Variants in PRMT5 observed in about 807,000 individuals in gnomAD.
PRMT5 encodes protein arginine N-methyltransferase 5.
Under a neutral mutation model 84.0 loss-of-function variants are expected in PRMT5, and 15 were observed. The observed-to-expected ratio is 0.18, with a 90% CI of 0.12 to 0.28. PRMT5 has a LOEUF of 0.28. Ranked by LOEUF, PRMT5 falls within the 10% of genes least tolerant of loss-of-function variation. The probability of loss-of-function intolerance (pLI) is 1.00; values close to 1 mark genes in which losing one functional copy is unlikely to be tolerated. For synonymous variants in PRMT5, 276 were observed against 292.4 expected, an observed-to-expected ratio of 0.94 and a Z score of 0.57; for missense variants, 486 against 808.0, an observed-to-expected ratio of 0.60 and a Z score of 4.83.
At position 22,928,504 on chromosome 14, in the gene PRMT5, T is replaced by A; in HGVS notation, c.222A>T (p.Ser74=). The A allele has an allele frequency of 6.2e-7, 1 of 1,609,290 alleles. No individual in the cohort carries two copies. The highest frequency in any genetic ancestry group is 8.5e-7 in the Non-Finnish European group (1 of 1,175,464). The stretch of plus-strand genomic sequence containing the variant: ...ATATGGGATGGTCCCTACCCCTTCC[T>A]GACAGCAGTAGGTCTGATCGTGTCT... ...GPQTRSDLLL[S]GRDWNTLIVG... The change falls in exon 2 of 17, where the codon TCA becomes TCT. Residue 74 remains serine, a synonymous_variant. Coordinates refer to ENST00000324366, the MANE Select transcript of PRMT5 (RefSeq NM_006109.5). This position sits in a 1 kb window ranked among gnomAD's most constrained non-coding sequence, Gnocchi z 4.8.
Position 22,926,827 on chromosome 14 carries a change from A to G in PRMT5, c.451-13T>C. 1.3e-6 allele frequency: 2 copies of G among 1,583,410 alleles called. No homozygotes were observed. The highest frequency in any genetic ancestry group is 1.7e-6 in the Non-Finnish European group (2 of 1,152,088). ...CCCGCATCCAGAACTGCACATGAACAGTCACCCTTTTAGAACTCTCTTTTG... is the reference window on the plus strand; with the variant it reads ...CCCGCATCCAGAACTGCACATGAACGGTCACCCTTTTAGAACTCTCTTTTG... On this transcript the variant is annotated splice_polypyrimidine_tract_variant and intron_variant, in intron 4 of 16. Coordinates refer to ENST00000324366, the MANE Select transcript of PRMT5 (RefSeq NM_006109.5).
In PRMT5 at chr14:22,922,554, T is replaced by C. The variant is rs147575039; in HGVS notation, c.1585A>G (p.Met529Val). The C allele has an allele frequency of 1.7e-3, 2,671 of 1,611,896 alleles. 13 individuals carry two copies. Among genetic ancestry groups the C allele is most frequent in the Non-Finnish European group, 1.4e-3 (1,593 of 1,178,062 alleles). ...FTFSHPNRDPMIDNNRYCTLE... is the reference protein window; with the variant it reads ...FTFSHPNRDPVIDNNRYCTLE... The stretch of plus-strand genomic sequence containing the variant: ...GTGCAATAGCGGTTGTTGTCAATCA[T>C]AGGATCTGTCAGGAAATAATTATGT... Residue 529 changes from methionine (M) to valine (V), a missense_variant, in exon 15 of 17, where the codon ATG (methionine) becomes GTG (valine). Met to Val is a conservative substitution (Grantham distance 21). Around this residue, in one of 4 missense-constraint regions of PRMT5, gnomAD observed 219 missense variants for 433.6 expected, o/e 0.51. Transcript: ENST00000324366.
At chr14:22,925,202 C>T (rs2044392505) in intron 7 of PRMT5, among the ~76,000 whole-genome samples, 162 bp from the exon 8 acceptor site, 1 of 150,010 alleles carries the variant, frequency 6.7e-6, no homozygotes, top group African/African-American at 2.5e-5. Flanking sequence ...ATTGCCCAGG[C>T]TGGAGTGCAA....
chr14:22,929,031 C>T, intron 1 of PRMT5: 1 of 1,160,704 alleles, frequency 8.6e-7, no homozygotes, highest in Non-Finnish European at 1.2e-6. Context: ...AGAGTTTACC[C>T]AACAACTCTC....
chr14:22,926,171 A>G lies in PRMT5; in HGVS notation c.739T>C (p.Ser247Pro). Residue 247 changes from serine to proline, a missense_variant, in exon 7 of 17, where the codon TCT becomes CCT. By Grantham distance (74) the Ser-to-Pro change is moderately conservative. Coordinates refer to ENST00000324366, the MANE Select transcript of PRMT5 (RefSeq NM_006109.5). ...LTNKKGFPVL[S>P]KMHQRLIFRL... ...AAGATGAGCCTCTGGTGCATCTTAG[A>G]AAGAACAGGAAATCCCTTCTTATTG... The G allele has an allele frequency of 6.2e-7, 1 of 1,613,196 alleles. No individual in the cohort carries two copies. The highest frequency in any genetic ancestry group is 1.7e-4 in the Middle Eastern group (1 of 6,040).
In PRMT5 at chr14:22,920,655, C is replaced by T; in HGVS notation, c.*249G>A. On this transcript the variant is annotated 3_prime_UTR_variant, in exon 17 of 17. Coordinates refer to ENST00000324366, the MANE Select transcript of PRMT5 (RefSeq NM_006109.5). ...GGGATATTCCAGGGAGTTCTTGAGG[C>T]TGAGTGCGTAGCTTCAAATCCAGCA... is the stretch of plus-strand genomic sequence containing the variant. 1 of 694,354 alleles carries T rather than the reference C, an allele frequency of 1.4e-6. No homozygotes were observed. Among genetic ancestry groups the T allele is most frequent in the South Asian group, 1.5e-5 (1 of 66,644 alleles). The allele number at this position is 694,354 out of a possible 1,614,324, so 43.0% of individuals were successfully genotyped here. A position where few individuals can be genotyped will look rare whatever the true frequency, so the allele number is the denominator to read the frequency against.
Position 22,928,383 on chromosome 14 carries a change from A to AT in PRMT5, c.229+113dup. On this transcript the variant is annotated intron_variant, in intron 2 of 16. Coordinates refer to ENST00000324366, the MANE Select transcript of PRMT5 (RefSeq NM_006109.5). This position sits in a 1 kb window ranked among gnomAD's most constrained non-coding sequence, Gnocchi z 4.8. ...AGCAAGGAGAAAACAAGTTATCTAT[A>AT]TCCCAGGGACTAACAAATATATCCA... The AT allele has an allele frequency of 8.7e-7, 1 of 1,150,598 alleles. No homozygotes were observed. The allele number at this position is 1,150,598 out of a possible 1,614,324, so 71.3% of individuals were successfully genotyped here. A position where few individuals can be genotyped will look rare whatever the true frequency, so the allele number is the denominator to read the frequency against.
Position 22,923,297 on chromosome 14 carries a change from G to C in PRMT5, c.1376-137C>G, listed in dbSNP as rs990030974. The C allele has an allele frequency of 1.8e-5, 11 of 607,844 alleles. No homozygotes were observed. Among genetic ancestry groups the C allele is most frequent in the Non-Finnish European group, 2.8e-5 (10 of 351,000 alleles). The allele number at this position is 607,844 out of a possible 1,614,324, so 37.7% of individuals were successfully genotyped here. A position where few individuals can be genotyped will look rare whatever the true frequency, so the allele number is the denominator to read the frequency against. ...ATGGGCATGGAAGAAAGAGACAAAT[G>C]CATGTTGTCACATTACTAAGCCAGC... is the stretch of plus-strand genomic sequence containing the variant. On this transcript the variant is annotated intron_variant, in intron 12 of 16. Transcript: ENST00000324366. The surrounding 1 kb of genome is among the most constrained non-coding windows in gnomAD (Gnocchi z 5.2).
In PRMT5 at chr14:22,928,217, C is replaced by T. The variant is rs2044469360; in HGVS notation, c.230-6G>A. 6.2e-7 allele frequency: 1 copy of T among 1,613,640 alleles called. No homozygotes were observed. Among genetic ancestry groups the T allele is most frequent in the South Asian group, 1.1e-5 (1 of 91,070 alleles). ...CACAATTAGCGTATTCCAGTCTGCA[C>T]TCCCCCACCCAAGAAAGACAAATAC... On this transcript the variant is annotated splice_polypyrimidine_tract_variant and splice_region_variant and intron_variant, in intron 2 of 16. Coordinates refer to ENST00000324366, the MANE Select transcript of PRMT5 (RefSeq NM_006109.5). The surrounding 1 kb of genome is among the most constrained non-coding windows in gnomAD (Gnocchi z 4.8).
intron 16 of PRMT5, among the ~76,000 whole-genome samples, chr14:22,921,884 TAAAAAAAAAAA>T (rs34529278): frequency 8.3e-6 from 1 of 120,014 alleles, no homozygotes. Context: ...TCCGTCTCTT[TAAAAAAAAAAA>T]AAAAAAAAAG....
At position 22,925,090 on chromosome 14, in the gene PRMT5, G is replaced by A. The variant is rs1173785972; in HGVS notation, c.778-50C>T. ...ACACAGCCCTCAAACCAAGATTCTG[G>A]AATATTATGGTATATGGCCAAAGAG... On this transcript the variant is annotated intron_variant, in intron 7 of 16. Coordinates refer to ENST00000324366, the MANE Select transcript of PRMT5 (RefSeq NM_006109.5). 2.5e-6 allele frequency: 4 copies of A among 1,593,088 alleles called. No homozygotes were observed. The Admixed American group carries it at 5.1e-5, about 20-fold the overall frequency.
At chr14:22,926,976 T>C in intron 4 of PRMT5, 162 bp from the exon 5 acceptor site, 1 of 602,514 alleles carries the variant, frequency 1.7e-6, no homozygotes, top group Non-Finnish European at 3.0e-6. Context: ...ATATAGATCC[T>C]TATGTAAATA....
intron 1 of PRMT5, 87 bp downstream of exon 1, chr14:22,929,165 A>G: frequency 6.2e-7 from 1 of 1,612,754 alleles, no homozygotes; most frequent in Non-Finnish European, 8.5e-7. Flanking sequence ...CGACCCCCTC[A>G]CCCCTGCTTC....
Position 22,924,488 on chromosome 14 carries a change from G to C in PRMT5, c.1067C>G (p.Thr356Ser). 6.2e-7 allele frequency: 1 copy of C among 1,614,030 alleles called. No individual in the cohort carries two copies. Among genetic ancestry groups the C allele is most frequent in the Non-Finnish European group, 8.5e-7 (1 of 1,179,962 alleles). Reference sequence around the variant, plus strand: ...AGGGGAAAGCACTCACTGGACATTGGTATCCTTCTCCTCTTCTGGTACTCG... The same window carrying C: ...AGGGGAAAGCACTCACTGGACATTGCTATCCTTCTCCTCTTCTGGTACTCG... Reference protein sequence around the residue: ...LDRVPEEEKDTNVQVLMVLGA... With the variant: ...LDRVPEEEKDSNVQVLMVLGA... Residue 356 changes from threonine (T) to serine (S), a missense_variant, in exon 10 of 17, where the codon ACC becomes AGC. This residue lies in a region of PRMT5 where 219 missense variants were observed against 433.6 expected (regional missense o/e 0.51). Transcript: ENST00000324366. The surrounding 1 kb of genome is among the most constrained non-coding windows in gnomAD (Gnocchi z 6.5).
At position 22,923,920 on chromosome 14, in the gene PRMT5, A is replaced by C. The variant is rs375359938; in HGVS notation, c.1375+88T>G. Reference sequence around the variant, plus strand: ...ACTCATATGATGTGACCCAGGTCCAACCCACTTTCCCCTAAACCCTGTACC... The same window carrying C: ...ACTCATATGATGTGACCCAGGTCCACCCCACTTTCCCCTAAACCCTGTACC... On this transcript the variant is annotated intron_variant, in intron 12 of 16. Coordinates refer to ENST00000324366, the MANE Select transcript of PRMT5 (RefSeq NM_006109.5). The surrounding 1 kb of genome is among the most constrained non-coding windows in gnomAD (Gnocchi z 5.2). The C allele has an allele frequency of 1.2e-4, 179 of 1,450,390 alleles. No individual in the cohort carries two copies. The African/African-American group carries it at 2.3e-3, about 19-fold the overall frequency. The allele number at this position is 1,450,390 out of a possible 1,614,324, so 89.8% of individuals were successfully genotyped here.
chr14:22,924,914 T>C lies in PRMT5; in HGVS notation c.904A>G (p.Lys302Glu). ...PPPNAYELFA[K>E]GYEDYLQSPL... ...GACTGCAGATAGTCTTCATAGCCCT[T>C]GGCAAAGAGTTCATAGGCATTAGGT... Residue 302 changes from lysine to glutamate, a missense_variant, in exon 8 of 17, where the codon AAG becomes GAG. Lys to Glu is a moderately conservative substitution (Grantham distance 56, BLOSUM62 1). Around this residue, in one of 4 missense-constraint regions of PRMT5, gnomAD observed 219 missense variants for 433.6 expected, o/e 0.51. Coordinates refer to ENST00000324366, the MANE Select transcript of PRMT5 (RefSeq NM_006109.5). The surrounding 1 kb of genome is among the most constrained non-coding windows in gnomAD (Gnocchi z 6.5). 6.2e-7 allele frequency: 1 copy of C among 1,614,204 alleles called. No homozygotes were observed. Among genetic ancestry groups the C allele is most frequent in the Non-Finnish European group, 8.5e-7 (1 of 1,180,036 alleles).
At chr14:22,927,719 T>C (rs1377636622) in intron 3 of PRMT5, 59 bp from the exon 4 acceptor site, 1 of 1,570,214 alleles carries the variant, frequency 6.4e-7, no homozygotes, top group African/African-American at 1.4e-5. Flanking sequence ...TTTTTTTTTT[T>C]TTTTTTGAGA....
chr14:22,921,104 C>T lies in PRMT5; in HGVS notation c.1762-48G>A, dbSNP rs755087875. 3.7e-6 allele frequency: 6 copies of T among 1,604,164 alleles called. No homozygotes were observed. In the African/African-American group the frequency reaches 8.0e-5, roughly 21 times the overall value. On this transcript the variant is annotated intron_variant, in intron 16 of 16. Coordinates refer to ENST00000324366, the MANE Select transcript of PRMT5 (RefSeq NM_006109.5). ...GTTCAGGGTGAAGCTATGAATTATA[C>T]ATGGCAATGTATTAAGGTAGGTGTG...
rs2044348266 is a variant in PRMT5 at position 22,923,429 on chromosome 14, CTT to C, written c.1376-271_1376-270del. 4 of 288,172 alleles carry C rather than the reference CTT, an allele frequency of 1.4e-5. No individual in the cohort carries two copies. The East Asian group carries it at 2.4e-4, about 18-fold the overall frequency. 17.9% of individuals were successfully genotyped at this position (288,172 alleles called of 1,614,324 possible). A position where few individuals can be genotyped will look rare whatever the true frequency, so the allele number is the denominator to read the frequency against. On this transcript the variant is annotated intron_variant, in intron 12 of 16. Coordinates refer to ENST00000324366, the MANE Select transcript of PRMT5 (RefSeq NM_006109.5). The surrounding 1 kb of genome is among the most constrained non-coding windows in gnomAD (Gnocchi z 5.2). ...GATAGTCTAATCTGGTGGTTCTTAA[CTT>C]TTGTGGGGTCACAAAGTCCCACAAA... is the stretch of plus-strand genomic sequence containing the variant.
Sources: gnomAD v4.1 joint callset for allele counts (sites outside exome capture counted in the v4.1 genomes callset) on GRCh38, gnomAD v4.1.1 for gene constraint, gnomAD v4.1.1 regional missense constraint, Gnocchi (gnomAD v3.1) non-coding constraint, MANE v1.5 for transcripts, NCBI Gene and HGNC (gene_info 2026-07-23, HGNC 2026-07-21) for gene names.